SCAF8: variants seen among roughly 807,000 people sequenced by gnomAD.
SCAF8 encodes SR-related CTD associated factor 8.
A neutral mutation model predicts 140.5 loss-of-function variants in SCAF8; 23 were observed. The ratio of observed to expected loss-of-function variants is 0.16; its 90% confidence interval spans 0.12 to 0.23. SCAF8 has a LOEUF of 0.23. SCAF8 is among the 10% of genes least tolerant of loss of function. The pLI is 1.00. For missense variants in SCAF8, 1,397 were observed against 1,555.7 expected, an observed-to-expected ratio of 0.90 and a Z score of 1.72; for synonymous variants, 575 against 528.9, an observed-to-expected ratio of 1.09 and a Z score of -1.20.
chr6:154,832,066 C>G lies in SCAF8; in HGVS notation c.2487C>G (p.Val829=), dbSNP rs770642641. 1 of 1,614,074 alleles carries G rather than the reference C, an allele frequency of 6.2e-7. No individual in the cohort carries two copies. The highest frequency in any genetic ancestry group is 1.3e-5 in the African/African-American group (1 of 75,034). Residue 829 remains valine (V), a synonymous_variant, in exon 20 of 20, where the codon GTC becomes GTG. Coordinates refer to ENST00000367178, the MANE Select transcript of SCAF8 (RefSeq NM_014892.5). ...CAAGTAATTCTGAAATTCTTGGGGT[C>G]CGGCCATCTAATGTTTCCAGTAGTT... ...NVSSNSEILG[V]RPSNVSSSSG...
rs763431635 is a variant in SCAF8, at chr6:154,808,124, C to G, written c.1036C>G (p.Pro346Ala). The stretch of plus-strand genomic sequence containing the variant: ...CTTTGGGTCAGAGCATTCAGCGTCA[C>G]CATCACAAGGGAGTAGTCAGCAGCA... ...GTFGSEHSAS[P>A]SQGSSQQHFL... Residue 346 changes from proline to alanine, a missense_variant, in exon 10 of 20, where the codon CCA becomes GCA. Pro to Ala is a conservative substitution (Grantham distance 27). Transcript: ENST00000367178. The G allele has an allele frequency of 6.2e-7, 1 of 1,613,844 alleles. No homozygotes were observed. The highest frequency in any genetic ancestry group is 1.6e-4 in the Middle Eastern group (1 of 6,062).
At chr6:154,745,322 C>G (rs968492982) in intron 1 of SCAF8, among the ~76,000 whole-genome samples, 7 of 152,206 alleles carry the variant, frequency 4.6e-5, no homozygotes, top group African/African-American at 1.7e-4. Context: ...CACACCATAT[C>G]AGGAATCATG....
rs1289555751 is a variant in SCAF8, at chr6:154,834,188, T to A, written c.*793T>A. The A allele has an allele frequency of 6.6e-6, 1 of 152,230 alleles. No individual in the cohort carries two copies. The highest frequency in any genetic ancestry group is 1.5e-5 in the Non-Finnish European group (1 of 68,024). 9.4% of individuals were successfully genotyped at this position (152,230 alleles called of 1,614,324 possible). On this transcript the variant is annotated 3_prime_UTR_variant, in exon 20 of 20. Coordinates refer to ENST00000367178, the MANE Select transcript of SCAF8 (RefSeq NM_014892.5). ...AATGAACTATGTGGTGGAAAAAGCA[T>A]GTACTTTGATATAAAAATCATGCAG... is the stretch of plus-strand genomic sequence containing the variant.
In SCAF8 at chr6:154,737,367, A is replaced by G. The variant is rs190765742; in HGVS notation, c.30+3437A>G. ...GAACGTTTGTCAACAAGATATTTTG[A>G]TACTTCACCTTAAAATATTTAAAAT... On this transcript the variant is annotated intron_variant, in intron 1 of 19. Transcript: ENST00000367178. 1.1e-4 allele frequency among the ~76,000 whole-genome samples: 16 copies of G among 152,304 alleles called. 1 individual carries two copies. The highest frequency in any genetic ancestry group is 8.5e-4 in the Admixed American group (13 of 15,296).
In SCAF8 at chr6:154,733,632, G is replaced by A. The variant is rs1778320808; in HGVS notation, c.-269G>A. 18 of 906,870 alleles carry A rather than the reference G, an allele frequency of 2.0e-5. No homozygotes were observed. The highest frequency in any genetic ancestry group is 2.2e-5 in the Non-Finnish European group (16 of 726,158). 56.2% of individuals were successfully genotyped at this position (906,870 alleles called of 1,614,324 possible). A position where few individuals can be genotyped will look rare whatever the true frequency, so the allele number is the denominator to read the frequency against. ...GGCGCCGCGGCCCAGCCCCTCCCCC[G>A]CCCGCCGCCGACCCGCCCCGGCAGC... On this transcript the variant is annotated 5_prime_UTR_variant, in exon 1 of 20. Transcript: ENST00000367178.
chr6:154,753,564 G>A (rs368231599), intron 1 of SCAF8, among the ~76,000 whole-genome samples: 9 of 151,956 alleles, frequency 5.9e-5, no homozygotes, highest in South Asian at 2.1e-4. Flanking sequence ...ACTTGAACCC[G>A]GGGGGCAGAG....
intron 3 of SCAF8, among the ~76,000 whole-genome samples, 193 bp from the exon 4 acceptor site, chr6:154,787,668 A>G (rs1777292828): frequency 6.6e-6 from 1 of 152,240 alleles, no homozygotes; most frequent in South Asian, 2.1e-4. Context: ...TTCTGATTGT[A>G]TAGAGTAGCC....
intron 15 of SCAF8, among the ~76,000 whole-genome samples, 182 bp downstream of exon 15, chr6:154,820,515 G>A (rs879566488): frequency 2.0e-5 from 3 of 152,186 alleles, no homozygotes; most frequent in Non-Finnish European, 4.4e-5. Flanking sequence ...AGATGTCAAA[G>A]TATAGATTAG....
intron 4 of SCAF8, 27 bp from the exon 5 acceptor site, chr6:154,792,796 A>G (rs751844621): frequency 3.9e-6 from 6 of 1,549,156 alleles, no homozygotes; most frequent in Non-Finnish European, 5.2e-6. Context: ...GTAAAAACCA[A>G]AATGTCATGT....
intron 6 of SCAF8, among the ~76,000 whole-genome samples, chr6:154,798,708 A>G (rs537526372): frequency 1.5e-4 from 23 of 151,466 alleles, no homozygotes; most frequent in African/African-American, 5.5e-4. Flanking sequence ...TTCAGGTAGC[A>G]TGACCCTTTA....
At chr6:154,799,325 C>G (rs774860608) in intron 6 of SCAF8, among the ~76,000 whole-genome samples, 1 of 151,176 alleles carries the variant, frequency 6.6e-6, no homozygotes, top group African/African-American at 2.4e-5. Context: ...GTTGCCCAGG[C>G]TGGTCTCAGA....
At chr6:154,786,894 T>G (rs1583034075) in intron 3 of SCAF8, among the ~76,000 whole-genome samples, 1 of 152,228 alleles carries the variant, frequency 6.6e-6, no homozygotes, top group African/African-American at 2.4e-5. Flanking sequence ...CTAAAGAACT[T>G]TTTTTGCCAT....
At chr6:154,778,781 G>T (rs1351069280) in intron 3 of SCAF8, among the ~76,000 whole-genome samples, 2 of 150,328 alleles carry the variant, frequency 1.3e-5, no homozygotes, top group Non-Finnish European at 3.0e-5. Flanking sequence ...GTGTGTGTGT[G>T]TGTGTGTGTG....
intron 3 of SCAF8, among the ~76,000 whole-genome samples, chr6:154,782,313 G>A (rs997807658): frequency 3.3e-5 from 5 of 152,202 alleles, no homozygotes; most frequent in Admixed American, 2.0e-4. Flanking sequence ...TGTGGGTGAG[G>A]TGGAGGGATT....
chr6:154,795,026 G>C lies in SCAF8; in HGVS notation c.493G>C (p.Val165Leu). 1 of 1,606,088 alleles carries C rather than the reference G, an allele frequency of 6.2e-7. No homozygotes were observed. Among genetic ancestry groups the C allele is most frequent in the Non-Finnish European group, 8.5e-7 (1 of 1,177,636 alleles). Residue 165 changes from valine to leucine, a missense_variant, in exon 6 of 20, where the codon GTT becomes CTT. Transcript: ENST00000367178. The stretch of plus-strand genomic sequence containing the variant: ...TTTAAAAGGAACTCCTGTGACACCT[G>C]TTACTCCGGCCAATGTGGTCCAAGG... ...SNTPGTPVTP[V>L]TPANVVQGLP...
chr6:154,791,596 G>A (rs573069598), intron 4 of SCAF8, among the ~76,000 whole-genome samples: 1 of 151,968 alleles, frequency 6.6e-6, no homozygotes, highest in South Asian at 2.1e-4. Context: ...GAATCCTTCT[G>A]GTATACTGTC....
chr6:154,815,546 A>T (rs545164395), intron 12 of SCAF8, among the ~76,000 whole-genome samples, 170 bp from the exon 13 acceptor site: 1 of 152,198 alleles, frequency 6.6e-6, no homozygotes, highest in Non-Finnish European at 1.5e-5. Context: ...AATACTTGTG[A>T]TTTTAGTTGT....
chr6:154,795,019 G>C lies in SCAF8; in HGVS notation c.486G>C (p.Val162=). 1 of 1,601,980 alleles carries C rather than the reference G, an allele frequency of 6.2e-7. No individual in the cohort carries two copies. The highest frequency in any genetic ancestry group is 8.5e-7 in the Non-Finnish European group (1 of 1,176,378). The part of the protein sequence containing the change: ...TAMSNTPGTP[V]TPVTPANVVQ... ...TGTTCTTTTTAAAAGGAACTCCTGTGACACCTGTTACTCCGGCCAATGTGG... is the reference window on the plus strand; with the variant it reads ...TGTTCTTTTTAAAAGGAACTCCTGTCACACCTGTTACTCCGGCCAATGTGG... Residue 162 remains valine (V), a synonymous_variant, in exon 6 of 20, where the codon GTG becomes GTC. Coordinates refer to ENST00000367178, the MANE Select transcript of SCAF8 (RefSeq NM_014892.5).
chr6:154,733,705 G>A lies in SCAF8; in HGVS notation c.-196G>A. The A allele has an allele frequency of 8.5e-7, 1 of 1,177,144 alleles. No homozygotes were observed. Among genetic ancestry groups the A allele is most frequent in the South Asian group, 2.3e-5 (1 of 44,292 alleles). 72.9% of individuals were successfully genotyped at this position (1,177,144 alleles called of 1,614,324 possible). ...CTCCCCCCGCCCTAGCGGCCATGCCGGTGCCGCTCTGCCGCTGAGGGAGCC... is the reference window on the plus strand; with the variant it reads ...CTCCCCCCGCCCTAGCGGCCATGCCAGTGCCGCTCTGCCGCTGAGGGAGCC... On this transcript the variant is annotated 5_prime_UTR_variant, in exon 1 of 20. Coordinates refer to ENST00000367178, the MANE Select transcript of SCAF8 (RefSeq NM_014892.5).
Sources: gnomAD v4.1 joint callset for allele counts (sites outside exome capture counted in the v4.1 genomes callset) on GRCh38, gnomAD v4.1.1 for gene constraint, MANE v1.5 for transcripts, NCBI Gene and HGNC (gene_info 2026-07-23, HGNC 2026-07-21) for gene names.